The following FSTL4 variants were observed in gnomAD, a reference collection of about 807,000 sequenced individuals.
FSTL4 encodes follistatin-related protein 4.
Under a neutral mutation model 78.2 loss-of-function variants are expected in FSTL4, and 28 were observed. The observed-to-expected ratio is 0.36, with a 90% CI of 0.27 to 0.49. The LOEUF (loss-of-function observed/expected upper bound fraction) is 0.49, where lower values mean the gene tolerates loss of function less well. Among genes scored for constraint, FSTL4 ranks in the 20% least tolerant of loss-of-function variants. The pLI, the probability that FSTL4 is intolerant of heterozygous loss-of-function variation, is 0.98. For missense variants in FSTL4, 922 were observed against 1,084.9 expected (o/e 0.85, Z 2.11); for synonymous variants, 422 against 440.5 (o/e 0.96, Z 0.53).
intron 4 of FSTL4, among the ~76,000 whole-genome samples, chr5:133,393,160 A>C (rs907252806): frequency 2.6e-5 from 4 of 151,594 alleles, no homozygotes; most frequent in Non-Finnish European, 4.4e-5. Context: ...AGTTCAGTGA[A>C]GTCCTAGTTG....
At chr5:133,471,060 GA>G (rs11287041) in intron 3 of FSTL4, among the ~76,000 whole-genome samples, 10,397 of 152,144 alleles carry the variant, frequency 0.068, 418 homozygotes, top group South Asian at 0.12. Flanking sequence ...TCTTTAGGCT[GA>G]AGGACCCACA....
intron 12 of FSTL4, among the ~76,000 whole-genome samples, chr5:133,218,939 G>A (rs927279223): frequency 2.6e-5 from 4 of 152,218 alleles, no homozygotes; most frequent in Admixed American, 6.5e-5. Flanking sequence ...CTAGTACAGT[G>A]CCTGGCACAG....
At chr5:133,620,562 T>C in the FSTL4 span, among the ~76,000 whole-genome samples, 2 of 152,232 alleles carry the variant, frequency 1.3e-5, no homozygotes, top group African/African-American at 4.8e-5. Flanking sequence ...CTTATGTTTC[T>C]AGTCTTTAAA....
rs1751253783 is a variant in FSTL4 at position 133,224,219 on chromosome 5, G to A, written c.1313-3C>T. ...CTCTCGCCACAGGATGTTTGCAACTGCAGCAGCAGAGAATGAGGAAAGCAG... is the reference window on the plus strand; with the variant it reads ...CTCTCGCCACAGGATGTTTGCAACTACAGCAGCAGAGAATGAGGAAAGCAG... On this transcript the variant is annotated splice_region_variant and splice_polypyrimidine_tract_variant and intron_variant, in intron 10 of 15. Transcript: ENST00000265342. The A allele has an allele frequency of 1.2e-6, 2 of 1,611,012 alleles. No homozygotes were observed. Among genetic ancestry groups the A allele is most frequent in the Middle Eastern group, 1.7e-4 (1 of 6,058 alleles).
chr5:133,669,531 G>C, the FSTL4 span, among the ~76,000 whole-genome samples: 1 of 152,066 alleles, frequency 6.6e-6, no homozygotes, highest in African/African-American at 2.4e-5. Context: ...GCTGAAGTGT[G>C]CCCTGCCCCC....
At chr5:133,284,744 A>C (rs1581592697) in intron 6 of FSTL4, among the ~76,000 whole-genome samples, 1 of 152,216 alleles carries the variant, frequency 6.6e-6, no homozygotes, top group African/African-American at 2.4e-5. Flanking sequence ...CTACTTTGAA[A>C]TGATTATAAA....
At chr5:133,823,037 T>C in the FSTL4 span, among the ~76,000 whole-genome samples, 19 of 152,176 alleles carry the variant, frequency 1.2e-4, no homozygotes, top group Middle Eastern at 3.4e-3. Context: ...CCATGAACAA[T>C]AGACAAAGTA....
At chr5:133,662,565 G>A in the FSTL4 span, among the ~76,000 whole-genome samples, 7 of 152,162 alleles carry the variant, frequency 4.6e-5, no homozygotes, top group Non-Finnish European at 7.3e-5. Context: ...GGTTTGACAA[G>A]TTTAATTACC....
intron 3 of FSTL4, among the ~76,000 whole-genome samples, chr5:133,545,109 G>C (rs1759549095): frequency 6.6e-6 from 1 of 152,174 alleles, no homozygotes; most frequent in South Asian, 2.1e-4. Context: ...AGATGGCTCA[G>C]GACAGGGGCT....
chr5:133,433,072 A>C (rs1756972990), intron 3 of FSTL4, among the ~76,000 whole-genome samples: 1 of 152,248 alleles, frequency 6.6e-6, no homozygotes, highest in Non-Finnish European at 1.5e-5. Context: ...AGGCTGTCAA[A>C]GAAGGAAAGA....
At chr5:133,506,803 T>C (rs548228575) in intron 3 of FSTL4, among the ~76,000 whole-genome samples, 4 of 152,364 alleles carry the variant, frequency 2.6e-5, no homozygotes, top group Admixed American at 2.6e-4. Flanking sequence ...GGTCATTCAA[T>C]AAATATTTGT....
chr5:133,732,706 C>T, the FSTL4 span, among the ~76,000 whole-genome samples: 4 of 152,218 alleles, frequency 2.6e-5, no homozygotes, highest in African/African-American at 7.2e-5. Context: ...CCACTGCTTT[C>T]CTCTTTGCTT....
upstream of FSTL4, among the ~76,000 whole-genome samples, chr5:133,613,464 CAG>C (rs1561487355): frequency 1.3e-5 from 2 of 152,094 alleles, no homozygotes; most frequent in African/African-American, 2.4e-5. Context: ...GGGGAGGTGA[CAG>C]AGGGGATTTT....
At chr5:133,742,076 G>A in the FSTL4 span, among the ~76,000 whole-genome samples, 9 of 152,212 alleles carry the variant, frequency 5.9e-5, no homozygotes, top group African/African-American at 2.2e-4. Flanking sequence ...TGGCTTTCTT[G>A]CATGGGGTCA....
chr5:133,506,285 A>G (rs2112882708), intron 3 of FSTL4, among the ~76,000 whole-genome samples: 1 of 152,340 alleles, frequency 6.6e-6, no homozygotes, highest in East Asian at 1.9e-4. Flanking sequence ...TTGGAGCCAA[A>G]GGCAGGGGAT....
chr5:133,333,722 C>T (rs529712748), intron 4 of FSTL4, among the ~76,000 whole-genome samples: 2 of 152,254 alleles, frequency 1.3e-5, no homozygotes, highest in Non-Finnish European at 2.9e-5. Context: ...AGCAGAGTCA[C>T]ACCCAGCGAG....
intron 4 of FSTL4, among the ~76,000 whole-genome samples, chr5:133,342,380 G>C (rs918894847): frequency 6.6e-6 from 1 of 152,164 alleles, no homozygotes; most frequent in Non-Finnish European, 1.5e-5. Flanking sequence ...ACAAAACTGT[G>C]CCTCTGCCAA....
the FSTL4 span, among the ~76,000 whole-genome samples, chr5:133,710,619 C>T: frequency 3.9e-5 from 6 of 152,212 alleles, no homozygotes; most frequent in African/African-American, 1.2e-4. Context: ...CTCCTGGGTA[C>T]TCCACAGCCC....
chr5:133,699,717 T>TA, the FSTL4 span, among the ~76,000 whole-genome samples: 1 of 151,866 alleles, frequency 6.6e-6, no homozygotes, highest in Non-Finnish European at 1.5e-5. Flanking sequence ...TCGTCTCTAC[T>TA]AAAAATACAA....
Sources: gnomAD v4.1 joint callset for allele counts (sites outside exome capture counted in the v4.1 genomes callset) on GRCh38, gnomAD v4.1.1 for gene constraint, MANE v1.5 for transcripts, NCBI Gene and HGNC (gene_info 2026-07-23, HGNC 2026-07-21) for gene names.